Variants in SETD2 observed in about 807,000 individuals in gnomAD.
SETD2 encodes SET domain containing 2, histone lysine methyltransferase.
Under a neutral mutation model 242.1 loss-of-function variants are expected in SETD2, and 31 were observed. The ratio of observed to expected loss-of-function variants is 0.13; its 90% confidence interval spans 0.10 to 0.17. SETD2 has a LOEUF of 0.17. Among genes scored for constraint, SETD2 ranks in the 10% least tolerant of loss-of-function variants. SETD2 has a pLI of 1.00. For synonymous variants in SETD2, 1,006 were observed against 1,066.5 expected (o/e 0.94, Z 1.11); for missense variants, 2,481 against 3,046.3 (o/e 0.81, Z 4.37).
At chr3:47,061,079 A>G (rs1251307892) in intron 14 of SETD2, among the ~76,000 whole-genome samples, 94 of 152,166 alleles carry the variant, frequency 6.2e-4, no homozygotes, top group African/African-American at 2.2e-3. Flanking sequence ...TTAGCCGGGC[A>G]TGGTGGCGGG....
intron 12 of SETD2, among the ~76,000 whole-genome samples, chr3:47,070,370 C>A (rs762672365): frequency 1.3e-5 from 2 of 152,190 alleles, no homozygotes; most frequent in African/African-American, 2.4e-5. Flanking sequence ...GAGCTGCTAA[C>A]TTGATCCTCT....
intron 6 of SETD2, 187 bp downstream of exon 6, chr3:47,105,810 G>A: frequency 1.8e-6 from 1 of 548,176 alleles, no homozygotes; most frequent in East Asian, 3.9e-5. Context: ...AGCTGAGGCA[G>A]GAGAATCTCT....
intron 5 of SETD2, among the ~76,000 whole-genome samples, chr3:47,109,237 G>A (rs568771489): frequency 6.6e-6 from 1 of 152,308 alleles, no homozygotes; most frequent in Admixed American, 6.5e-5. Flanking sequence ...GGCAGACAGA[G>A]AATGTAAAAT....
intron 1 of SETD2, among the ~76,000 whole-genome samples, chr3:47,127,221 G>C (rs1167581640): frequency 6.6e-6 from 1 of 151,962 alleles, no homozygotes; most frequent in Non-Finnish European, 1.5e-5. Flanking sequence ...AGCCAGACAT[G>C]GTGGCGTGCA....
chr3:47,070,294 G>T (rs994056256), intron 12 of SETD2, among the ~76,000 whole-genome samples: 2 of 152,090 alleles, frequency 1.3e-5, no homozygotes, highest in Admixed American at 1.3e-4. Flanking sequence ...ATGACCAGGA[G>T]CTACTATTTA....
intron 3 of SETD2, among the ~76,000 whole-genome samples, chr3:47,118,896 T>C (rs1450447392): frequency 6.6e-6 from 1 of 152,088 alleles, no homozygotes; most frequent in African/African-American, 2.4e-5. Context: ...AGGGTACTAC[T>C]TAAAATATTG....
chr3:47,090,234 G>A (rs1413645273), intron 9 of SETD2, among the ~76,000 whole-genome samples: 2 of 152,014 alleles, frequency 1.3e-5, no homozygotes, highest in African/African-American at 4.8e-5. Context: ...GCGACAGAGT[G>A]AGACTCCTTC....
At chr3:47,097,830 T>G in intron 9 of SETD2, 125 bp downstream of exon 9, 2 of 876,562 alleles carry the variant, frequency 2.3e-6, no homozygotes, top group Non-Finnish European at 3.5e-6. Context: ...TCTTTTCTGG[T>G]AACAACTCAT....
At chr3:47,161,117 CCT>C (rs1271252067) in intron 1 of SETD2, among the ~76,000 whole-genome samples, 7 of 152,152 alleles carry the variant, frequency 4.6e-5, no homozygotes, top group African/African-American at 1.4e-4. Flanking sequence ...TCATTTCTCC[CCT>C]GAGCCATGTT....
chr3:47,093,284 C>CTTTTT (rs67167956), intron 9 of SETD2, among the ~76,000 whole-genome samples: 1 of 133,706 alleles, frequency 7.5e-6, no homozygotes, highest in African/African-American at 2.9e-5. Flanking sequence ...TTTATCCATC[C>CTTTTT]TTTTTTTTTT....
At chr3:47,056,716 T>G in intron 15 of SETD2, 105 bp downstream of exon 15, 1 of 831,848 alleles carries the variant, frequency 1.2e-6, no homozygotes, top group East Asian at 2.5e-5. Context: ...AGTTGATCAA[T>G]ATATACAAGT....
intron 14 of SETD2, among the ~76,000 whole-genome samples, chr3:47,059,157 C>A (rs554160515): frequency 7.0e-6 from 1 of 142,512 alleles, no homozygotes; most frequent in Admixed American, 7.3e-5. Context: ...ATTCTTGTCA[C>A]CCAGACTGGT....
intron 1 of SETD2, among the ~76,000 whole-genome samples, chr3:47,162,560 T>G (rs1245372605): frequency 5.3e-5 from 8 of 152,230 alleles, no homozygotes; most frequent in African/African-American, 1.9e-4. Context: ...CAGAATCCGT[T>G]TGTGTTGCAA....
At chr3:47,069,551 T>G (rs1020753100) in intron 12 of SETD2, among the ~76,000 whole-genome samples, 1 of 152,178 alleles carries the variant, frequency 6.6e-6, no homozygotes, top group Non-Finnish European at 1.5e-5. Flanking sequence ...TGAGAACTAC[T>G]GAACTACTGG....
At chr3:47,150,886 T>C (rs7616952) in intron 1 of SETD2, among the ~76,000 whole-genome samples, 1 of 147,590 alleles carries the variant, frequency 6.8e-6, no homozygotes, top group Non-Finnish European at 1.5e-5. Flanking sequence ...TGCCACTACA[T>C]TTCAGCCTGA....
intron 18 of SETD2, among the ~76,000 whole-genome samples, chr3:47,026,324 T>A (rs2107507403): frequency 1.3e-5 from 2 of 152,306 alleles, no homozygotes; most frequent in South Asian, 4.1e-4. Flanking sequence ...GGAGAGGTTG[T>A]GGAAAATAGG....
chr3:47,084,197 G>T lies in SETD2; in HGVS notation c.5583C>A (p.Ser1861=), dbSNP rs761381072. The stretch of plus-strand genomic sequence containing the variant: ...TGTCAGCTTCTGTGCTCAGCTTGGT[G>T]GAAGGATCAGGTGTGTTGAGTGGTG... ...AHTPLNTPDP[S]TKLSTEADTD... Residue 1861 remains serine (S), a synonymous_variant, in exon 12 of 21, where the codon TCC becomes TCA. Transcript: ENST00000409792. 1 of 1,614,106 alleles carries T rather than the reference G, an allele frequency of 6.2e-7. No homozygotes were observed. The highest frequency in any genetic ancestry group is 8.5e-7 in the Non-Finnish European group (1 of 1,180,008).
chr3:47,030,627 C>T (rs954933454), intron 18 of SETD2, among the ~76,000 whole-genome samples: 5 of 151,960 alleles, frequency 3.3e-5, no homozygotes, highest in African/African-American at 4.8e-5. Flanking sequence ...TACCACAAAC[C>T]GCTAAAAACT....
intron 9 of SETD2, among the ~76,000 whole-genome samples, chr3:47,091,819 T>C (rs1171786525): frequency 1.3e-5 from 2 of 151,460 alleles, no homozygotes; most frequent in African/African-American, 4.9e-5. Context: ...GTGATGCACA[T>C]CTGTAATCCC....
Sources: gnomAD v4.1 joint callset for allele counts (sites outside exome capture counted in the v4.1 genomes callset) on GRCh38, gnomAD v4.1.1 for gene constraint, MANE v1.5 for transcripts, NCBI Gene and HGNC (gene_info 2026-07-23, HGNC 2026-07-21) for gene names.